SIPA1L2: variants seen among roughly 807,000 people sequenced by gnomAD.
SIPA1L2 encodes the protein signal-induced proliferation-associated 1-like protein 2.
Under a neutral mutation model 163.9 loss-of-function variants are expected in SIPA1L2, and 56 were observed. The ratio of observed to expected loss-of-function variants is 0.34; its 90% CI spans 0.28 to 0.43. SIPA1L2 has a LOEUF of 0.43. Ranked by LOEUF, SIPA1L2 falls within the 20% of genes least tolerant of loss-of-function variation. The pLI, the probability that SIPA1L2 is intolerant of heterozygous loss-of-function variation, is 1.00. For synonymous variants in SIPA1L2, 877 were observed against 865.7 expected (o/e 1.01, Z -0.23); for missense variants, 1,974 against 2,193.5 (o/e 0.90, Z 2.00).
chr1:232,515,778 A>G (rs1273118617), intron 2 of SIPA1L2, among the ~76,000 whole-genome samples, 170 bp from the exon 3 acceptor site: 1 of 152,216 alleles, frequency 6.6e-6, no homozygotes, highest in East Asian at 1.9e-4. Flanking sequence ...CCTTCTCTAC[A>G]TAGCTAGATA....
At chr1:232,586,849 T>C (rs113378814) in intron 1 of SIPA1L2, among the ~76,000 whole-genome samples, 10 of 152,354 alleles carry the variant, frequency 6.6e-5, no homozygotes, top group African/African-American at 2.4e-4. Flanking sequence ...TGTCCCTTCA[T>C]ACTGGGCACA....
At chr1:232,540,164 CGT>C (rs1657560819) in intron 2 of SIPA1L2, among the ~76,000 whole-genome samples, 1 of 151,986 alleles carries the variant, frequency 6.6e-6, no homozygotes, top group Non-Finnish European at 1.5e-5. Context: ...TTTAGCCGGG[CGT>C]GGTGGTGGGC....
At chr1:232,545,224 A>G (rs1255193262) in intron 2 of SIPA1L2, among the ~76,000 whole-genome samples, 1 of 152,262 alleles carries the variant, frequency 6.6e-6, no homozygotes, top group Non-Finnish European at 1.5e-5. Context: ...TCCCTGTAGC[A>G]TAGCACGGAA....
intron 14 of SIPA1L2, among the ~76,000 whole-genome samples, chr1:232,439,934 T>C (rs145403600): frequency 3.3e-5 from 5 of 152,282 alleles, no homozygotes; most frequent in East Asian, 1.9e-4. Context: ...GTCACAAAGG[T>C]AGGACTTTCT....
chr1:232,469,864 T>C (rs1664712493), intron 8 of SIPA1L2, among the ~76,000 whole-genome samples: 1 of 151,080 alleles, frequency 6.6e-6, no homozygotes, highest in African/African-American at 2.4e-5. Flanking sequence ...AGTTGTTTAA[T>C]TAAAACCGGA....
chr1:232,513,101 G>T (rs934329596), intron 3 of SIPA1L2, among the ~76,000 whole-genome samples: 2 of 152,218 alleles, frequency 1.3e-5, no homozygotes, highest in Non-Finnish European at 2.9e-5. Flanking sequence ...TCCTCGGCAT[G>T]TGTTACTGAC....
At chr1:232,627,089 T>C (rs74145309) in intron 1 of SIPA1L2, among the ~76,000 whole-genome samples, 4,441 of 152,218 alleles carry the variant, frequency 0.029, 214 homozygotes, top group African/African-American at 0.1. Flanking sequence ...AATACCCTAG[T>C]CTAAATTTTC....
intron 10 of SIPA1L2, among the ~76,000 whole-genome samples, chr1:232,448,037 T>C (rs964195223): frequency 2.0e-5 from 3 of 152,194 alleles, no homozygotes; most frequent in Admixed American, 6.5e-5. Flanking sequence ...GTGTGGCTTT[T>C]AGTTACCATA....
At chr1:232,442,283 CTCCTGCCTGTAA>C (rs1662950129) in intron 12 of SIPA1L2, among the ~76,000 whole-genome samples, 1 of 150,986 alleles carries the variant, frequency 6.6e-6, no homozygotes, top group Non-Finnish European at 1.5e-5. Flanking sequence ...GGCACGGTGG[CTCCTGCCTGTAA>C]TCCCAGCACT....
intron 1 of SIPA1L2, among the ~76,000 whole-genome samples, chr1:232,584,274 G>C (rs548446126): frequency 6.6e-6 from 1 of 152,138 alleles, no homozygotes; most frequent in African/African-American, 2.4e-5. Context: ...CAGCAGGCTG[G>C]AGTATAGTGG....
intron 1 of SIPA1L2, among the ~76,000 whole-genome samples, chr1:232,620,414 G>A (rs1046701315): frequency 8.5e-5 from 13 of 152,170 alleles, no homozygotes; most frequent in African/African-American, 2.9e-4. Flanking sequence ...CTAAGCCTTT[G>A]CTATTGGAAT....
chr1:232,630,260 C>T (rs1024615405), upstream of SIPA1L2, among the ~76,000 whole-genome samples: 1 of 151,764 alleles, frequency 6.6e-6, no homozygotes, highest in Admixed American at 6.6e-5. Flanking sequence ...GCGCGGACGC[C>T]GTCAGTCTCA....
rs373332499 is a variant in SIPA1L2 at position 232,602,607 on chromosome 1, G to T, written c.-319+27262C>A. Among the ~76,000 whole-genome samples the T allele has an allele frequency of 2.4e-3, 367 of 152,240 alleles. 3 individuals carry two copies. The highest frequency in any genetic ancestry group is 7.3e-3 in the African/African-American group (303 of 41,536). ...GCCTCCCAAAGTGCTGGGACTACGG[G>T]CGTGAGCCACTGCCTCTGGCCACCC... On this transcript the variant is annotated intron_variant, in intron 1 of 22. Transcript: ENST00000674635.
intron 2 of SIPA1L2, among the ~76,000 whole-genome samples, chr1:232,539,287 C>T (rs772804304): frequency 6.6e-6 from 1 of 152,108 alleles, no homozygotes; most frequent in Non-Finnish European, 1.5e-5. Flanking sequence ...TTGAGAGGTG[C>T]GAAACAATCT....
chr1:232,402,529 T>A, intron 21 of SIPA1L2, 56 bp from the exon 22 acceptor site: 16 of 1,505,660 alleles, frequency 1.1e-5, no homozygotes, highest in Non-Finnish European at 1.5e-5. Context: ...AGCATTTTTG[T>A]TGGTCAAGTT....
rs1376250286 is a variant in SIPA1L2, at chr1:232,409,770, C to T, written c.4763-5592G>A. 2.0e-5 allele frequency among the ~76,000 whole-genome samples: 3 copies of T among 152,114 alleles called. No individual in the cohort carries two copies. In the East Asian group the frequency reaches 5.8e-4, roughly 29 times the overall value. ...CTGCATGCAGCTGCCTGAGTGACCC[C>T]AGCTAAGATCACATGGAGCAGAAGA... On this transcript the variant is annotated intron_variant, in intron 19 of 22. Transcript: ENST00000674635.
At chr1:232,506,930 A>C (rs1029458723) in intron 3 of SIPA1L2, among the ~76,000 whole-genome samples, 1 of 152,250 alleles carries the variant, frequency 6.6e-6, no homozygotes, top group African/African-American at 2.4e-5. Flanking sequence ...TTAGATTTCT[A>C]GAAAAGCTGT....
chr1:232,443,802 A>G, intron 11 of SIPA1L2, 117 bp from the exon 12 acceptor site: 1 of 738,300 alleles, frequency 1.4e-6, no homozygotes, highest in South Asian at 2.3e-5. Context: ...AAAGGAAGAA[A>G]AACATATTGC....
At chr1:232,482,686 A>G (rs1436687889) in intron 6 of SIPA1L2, among the ~76,000 whole-genome samples, 1 of 152,132 alleles carries the variant, frequency 6.6e-6, no homozygotes. Context: ...TAAAAACAGA[A>G]CTGACTATAG....
Sources: gnomAD v4.1 joint callset for allele counts (sites outside exome capture counted in the v4.1 genomes callset) on GRCh38, gnomAD v4.1.1 for gene constraint, MANE v1.5 for transcripts, NCBI Gene and HGNC (gene_info 2026-07-23, HGNC 2026-07-21) for gene names.